MYZAP: variants seen among roughly 807,000 people sequenced by gnomAD.
MYZAP encodes myocardial zonula adherens protein.
A neutral mutation model predicts 69.4 loss-of-function variants in MYZAP; 66 were observed. The observed-to-expected ratio is 0.95, with a 90% confidence interval of 0.78 to 1.17. MYZAP has a LOEUF of 1.17. Ranked by LOEUF, MYZAP falls within the 50% of genes most tolerant of loss-of-function variation. The probability of loss-of-function intolerance (pLI) is 0.00; values close to 1 mark genes in which losing one functional copy is unlikely to be tolerated. For missense variants in MYZAP, 611 were observed against 556.2 expected (o/e 1.10, Z -0.99); for synonymous variants, 256 against 205.9 (o/e 1.24, Z -2.09).
chr15:57,631,047 A>G (rs904993190), intron 6 of MYZAP, among the ~76,000 whole-genome samples: 3 of 152,194 alleles, frequency 2.0e-5, no homozygotes, highest in African/African-American at 4.8e-5. Context: ...GGGACAGATC[A>G]TCTCCTCTGT....
intron 10 of MYZAP, among the ~76,000 whole-genome samples, chr15:57,639,986 C>T (rs2037054452): frequency 1.3e-5 from 2 of 151,928 alleles, no homozygotes; most frequent in Admixed American, 1.3e-4. Context: ...TCTTTCATTC[C>T]CTTTCCTTGT....
chr15:57,637,877 C>A, intron 9 of MYZAP, 103 bp downstream of exon 9: 1 of 1,227,758 alleles, frequency 8.1e-7, no homozygotes. Context: ...GTGGTTGTAC[C>A]TTATTACAGA....
chr15:57,616,987 G>A (rs563512399), intron 2 of MYZAP, among the ~76,000 whole-genome samples: 8 of 151,878 alleles, frequency 5.3e-5, no homozygotes, highest in African/African-American at 1.9e-4. Context: ...CTGAGAGAAG[G>A]TCAGTTTGTC....
rs756472292 is a variant in MYZAP, at chr15:57,604,360, G to T, written c.162+5G>T. On this transcript the variant is annotated splice_donor_5th_base_variant and intron_variant, in intron 2 of 12. Transcript: ENST00000267853. ...AAGATTGAGAGAAAAGAGCAGGTAA[G>T]GTATCTCCGAGGCAAAGCCCCAACA... The T allele has an allele frequency of 6.2e-7, 1 of 1,614,124 alleles. No homozygotes were observed. Among genetic ancestry groups the T allele is most frequent in the Non-Finnish European group, 8.5e-7 (1 of 1,180,014 alleles).
At chr15:57,621,354 G>A (rs2035804181) in intron 3 of MYZAP, among the ~76,000 whole-genome samples, 1 of 151,650 alleles carries the variant, frequency 6.6e-6, no homozygotes, top group Admixed American at 6.6e-5. Context: ...GGGACTACAG[G>A]TGCCCACCAC....
At chr15:57,666,449 T>C (rs554454122) in intron 11 of MYZAP, among the ~76,000 whole-genome samples, 6 of 152,304 alleles carry the variant, frequency 3.9e-5, no homozygotes, top group African/African-American at 1.4e-4. Flanking sequence ...TCATCATTTG[T>C]GCTTACCTGG....
chr15:57,661,618 A>T (rs2038312541), intron 11 of MYZAP, 85 bp downstream of exon 11: 3 of 1,185,416 alleles, frequency 2.5e-6, no homozygotes, highest in Non-Finnish European at 1.2e-6. Context: ...CTTAATTAAA[A>T]ATATGGCTAT....
chr15:57,664,672 C>G (rs1229579695), intron 11 of MYZAP, among the ~76,000 whole-genome samples: 1 of 152,140 alleles, frequency 6.6e-6, no homozygotes, highest in Non-Finnish European at 1.5e-5. Flanking sequence ...TAATTAATAC[C>G]TCCTAAAAGA....
intron 2 of MYZAP, among the ~76,000 whole-genome samples, chr15:57,616,069 G>A (rs1394928505): frequency 1.3e-5 from 2 of 152,186 alleles, no homozygotes; most frequent in African/African-American, 4.8e-5. Context: ...AGACCTGTAA[G>A]TTTAATCATC....
At chr15:57,618,318 G>A (rs2035605435) in intron 3 of MYZAP, 130 bp downstream of exon 3, 1 of 1,398,212 alleles carries the variant, frequency 7.2e-7, no homozygotes, top group Non-Finnish European at 9.6e-7. Context: ...CATTTTGGCT[G>A]GAAATGTTTC....
intron 9 of MYZAP, 102 bp downstream of exon 9, chr15:57,637,876 C>T (rs1345972191): frequency 5.8e-5 from 72 of 1,241,444 alleles, no homozygotes; most frequent in Admixed American, 4.8e-4. Flanking sequence ...TGTGGTTGTA[C>T]CTTATTACAG....
At chr15:57,633,172 T>C (rs1003118617) in intron 7 of MYZAP, among the ~76,000 whole-genome samples, 1 of 152,238 alleles carries the variant, frequency 6.6e-6, no homozygotes. Flanking sequence ...GCTTAATACA[T>C]GTTCTGATGA....
At chr15:57,605,308 A>T (rs145386837) in intron 2 of MYZAP, among the ~76,000 whole-genome samples, 227 of 152,294 alleles carry the variant, frequency 1.5e-3, no homozygotes, top group Non-Finnish European at 2.7e-3. Flanking sequence ...AAAGTAAAAG[A>T]AGGGGTAGGG....
chr15:57,675,535 G>T (rs559714431), intron 12 of MYZAP, among the ~76,000 whole-genome samples: 1 of 152,124 alleles, frequency 6.6e-6, no homozygotes, highest in Non-Finnish European at 1.5e-5. Flanking sequence ...TCTAAACCTT[G>T]AACAAAAGTC....
chr15:57,647,811 T>C, intron 10 of MYZAP: 1 of 985,436 alleles, frequency 1.0e-6, no homozygotes, highest in East Asian at 1.1e-4. Flanking sequence ...AGGACCTACC[T>C]CAGCCTGCTC....
At position 57,653,916 on chromosome 15, in the gene MYZAP, G is replaced by A. The variant is rs2037853957; in HGVS notation, c.1120-7534G>A. 3.5e-5 allele frequency among the ~76,000 whole-genome samples: 5 copies of A among 141,284 alleles called. No homozygotes were observed. In the South Asian group the frequency reaches 1.2e-3, roughly 33 times the overall value. The allele number at this position is 141,284 out of a possible 152,430, so 92.7% of individuals were successfully genotyped here. ...GCTACTTGGGAGGCTGAGATGGGAG[G>A]ACCCATTGAGCCCAGGAGTTTGAGG... On this transcript the variant is annotated intron_variant, in intron 10 of 12. Transcript: ENST00000267853.
At chr15:57,592,150 C>A in intron 1 of MYZAP, 41 bp downstream of exon 1, 1 of 1,280,216 alleles carries the variant, frequency 7.8e-7, no homozygotes, top group Non-Finnish European at 9.9e-7. Flanking sequence ...CCCGTTCCCC[C>A]ATCCCGGCCG....
intron 11 of MYZAP, among the ~76,000 whole-genome samples, chr15:57,664,503 A>G (rs9806740): frequency 1.3e-5 from 2 of 152,058 alleles, no homozygotes; most frequent in Non-Finnish European, 2.9e-5. Context: ...TGTGGATGAT[A>G]GCTAATGCTG....
intron 2 of MYZAP, among the ~76,000 whole-genome samples, chr15:57,613,880 T>G (rs1480150502): frequency 1.3e-5 from 2 of 151,874 alleles, no homozygotes; most frequent in Admixed American, 6.5e-5. Context: ...TTTCTTAATA[T>G]CATCATAATG....
Sources: allele counts gnomAD v4.1 joint callset (sites outside exome capture counted in the v4.1 genomes callset), GRCh38; gene constraint gnomAD v4.1.1; transcripts MANE v1.5; gene names NCBI Gene and HGNC (gene_info 2026-07-23, HGNC 2026-07-21).